Variants in DNAH11 observed in about 807,000 individuals in gnomAD.
The protein encoded by DNAH11 is dynein axonemal heavy chain 11, also known as axonemal beta dynein heavy chain 11.
Under a neutral mutation model 526.0 loss-of-function variants are expected in DNAH11, and 442 were observed. The observed-to-expected ratio is 0.84, with a 90% CI of 0.78 to 0.91. The LOEUF (loss-of-function observed/expected upper bound fraction) is 0.91, where lower values mean the gene tolerates loss of function less well. DNAH11 is among the 40% of genes least tolerant of loss of function. The pLI, the probability that DNAH11 is intolerant of heterozygous loss-of-function variation, is 0.00. For missense variants in DNAH11, 6,989 were observed against 5,448.7 expected (o/e 1.28, Z -8.90); for synonymous variants, 2,461 against 1,935.9 (o/e 1.27, Z -7.12).
intron 56 of DNAH11, among the ~76,000 whole-genome samples, chr7:21,778,574 T>G (rs1279784138): frequency 1.3e-5 from 2 of 152,154 alleles, no homozygotes; most frequent in African/African-American, 2.4e-5. Context: ...AGAGGCATAG[T>G]TCTTCCAGCT....
In DNAH11 at chr7:21,807,148, A is replaced by C. The variant is rs548240145; in HGVS notation, c.10166-735A>C. On this transcript the variant is annotated intron_variant, in intron 62 of 81. Transcript: ENST00000409508. ...GTTAAAAATAGGTAAGTAAATAAAAAGTTTGACTAGGGCAGTGTAGTGGGA... is the reference window on the plus strand; with the variant it reads ...GTTAAAAATAGGTAAGTAAATAAAACGTTTGACTAGGGCAGTGTAGTGGGA... 2.0e-5 allele frequency among the ~76,000 whole-genome samples: 3 copies of C among 152,292 alleles called. No individual in the cohort carries two copies. The South Asian group carries it at 6.2e-4, about 32-fold the overall frequency.
chr7:21,689,361 T>C (rs1024626175), intron 34 of DNAH11, among the ~76,000 whole-genome samples: 17 of 152,272 alleles, frequency 1.1e-4, no homozygotes, highest in Non-Finnish European at 1.0e-4. Flanking sequence ...TCTGAATGTC[T>C]GTAGGTCTGC....
chr7:21,881,379 CTTG>C (rs1263474401), intron 75 of DNAH11, among the ~76,000 whole-genome samples: 1 of 152,162 alleles, frequency 6.6e-6, no homozygotes, highest in Admixed American at 6.5e-5. Context: ...AGGATGCCAC[CTTG>C]TTGTGACTTT....
intron 40 of DNAH11, among the ~76,000 whole-genome samples, chr7:21,709,000 C>G (rs905407397): frequency 6.6e-6 from 1 of 152,142 alleles, no homozygotes; most frequent in African/African-American, 2.4e-5. Context: ...AGTTTAGTCA[C>G]TATGGAAATT....
chr7:21,633,089 A>G (rs1321927146), intron 25 of DNAH11, among the ~76,000 whole-genome samples: 4 of 152,160 alleles, frequency 2.6e-5, no homozygotes, highest in African/African-American at 9.7e-5. Flanking sequence ...AGATCTTGCG[A>G]GACTTATTCA....
At chr7:21,829,430 T>G (rs191522822) in intron 65 of DNAH11, among the ~76,000 whole-genome samples, 1 of 152,192 alleles carries the variant, frequency 6.6e-6, no homozygotes, top group Admixed American at 6.5e-5. Context: ...GAAATCTCTC[T>G]CCAAACAGCA....
At chr7:21,561,253 C>T in intron 5 of DNAH11, 83 bp downstream of exon 5, 2 of 985,182 alleles carry the variant, frequency 2.0e-6, no homozygotes, top group South Asian at 1.4e-5. Context: ...TTGATATTTA[C>T]CCTTCCGCCA....
In DNAH11 at chr7:21,744,461, G is replaced by A; in HGVS notation, c.8178G>A (p.Glu2726=). 5 of 1,613,732 alleles carry A rather than the reference G, an allele frequency of 3.1e-6. No homozygotes were observed. Among genetic ancestry groups the A allele is most frequent in the Non-Finnish European group, 4.2e-6 (5 of 1,179,780 alleles). The part of the protein sequence containing the change: ...VFQGILFASP[E]CLKGPLDLIH... ...AGGGGATTTTATTTGCTTCTCCTGA[G>A]TGTTTAAAAGGTCCACTTGATTTAA... Residue 2726 remains glutamate (E), a synonymous_variant, in exon 50 of 82, where the codon GAG becomes GAA. Coordinates refer to ENST00000409508, the MANE Select transcript of DNAH11 (RefSeq NM_001277115.2).
Position 21,782,919 on chromosome 7 carries a change from AAAAGAAAG to A in DNAH11, c.9484-1498_9484-1491del, listed in dbSNP as rs201885292. 2.2e-4 allele frequency among the ~76,000 whole-genome samples: 16 copies of A among 74,372 alleles called. No individual in the cohort carries two copies. The East Asian group carries it at 3.6e-3, about 17-fold the overall frequency. 48.8% of individuals were successfully genotyped at this position (74,372 alleles called of 152,430 possible). A position where few individuals can be genotyped will look rare whatever the true frequency, so the allele number is the denominator to read the frequency against. ...AACGAAACTGTCTCAAAAAAAAAAAAAAAGAAAGAAAGAAAGAGCACTTAAAAGAAATA... is the reference window on the plus strand; with the variant it reads ...AACGAAACTGTCTCAAAAAAAAAAAAAAAGAAAGAGCACTTAAAAGAAATA... On this transcript the variant is annotated intron_variant, in intron 57 of 81. Transcript: ENST00000409508.
At chr7:21,832,194 G>A (rs1047789504) in intron 65 of DNAH11, among the ~76,000 whole-genome samples, 1 of 152,068 alleles carries the variant, frequency 6.6e-6, no homozygotes, top group African/African-American at 2.4e-5. Flanking sequence ...GGTTAATATT[G>A]TTATGTATGA....
Position 21,702,739 on chromosome 7 carries a change from T to G in DNAH11, c.6210T>G (p.Ile2070Met), listed in dbSNP as rs773630976. Residue 2070 changes from isoleucine (I) to methionine (M), a missense_variant, in exon 37 of 82, where the codon ATT becomes ATG. Ile to Met is a conservative substitution (Grantham distance 10, BLOSUM62 1). Transcript: ENST00000409508. The stretch of plus-strand genomic sequence containing the variant: ...ATTACGACTGGGGACTTCGTGCTAT[T>G]AAGTCTGTCTTGGTTGTGGCTGGAT... ...QDHYDWGLRA[I>M]KSVLVVAGSL... is the part of the protein sequence containing the mutation. The G allele has an allele frequency of 3.1e-6, 5 of 1,613,760 alleles. No homozygotes were observed. The highest frequency in any genetic ancestry group is 2.2e-5 in the South Asian group (2 of 91,048).
chr7:21,769,477 TTC>T (rs1787329326), intron 55 of DNAH11, among the ~76,000 whole-genome samples: 1 of 142,384 alleles, frequency 7.0e-6, no homozygotes, highest in African/African-American at 2.7e-5. Flanking sequence ...TGCTTTTTTA[TTC>T]TTTGGTTTTT....
intron 66 of DNAH11, among the ~76,000 whole-genome samples, 167 bp from the exon 67 acceptor site, chr7:21,852,300 G>A (rs898385484): frequency 1.3e-5 from 2 of 151,654 alleles, no homozygotes; most frequent in Admixed American, 6.6e-5. Context: ...TCAGCTACTC[G>A]GGAGGCTGAG....
At chr7:21,667,731 G>A (rs1304887904) in intron 30 of DNAH11, among the ~76,000 whole-genome samples, 1 of 152,198 alleles carries the variant, frequency 6.6e-6, no homozygotes, top group African/African-American at 2.4e-5. Flanking sequence ...AAGGGATAGG[G>A]AAAAAACATA....
chr7:21,554,789 G>A (rs1366179685), intron 2 of DNAH11, among the ~76,000 whole-genome samples: 1 of 152,184 alleles, frequency 6.6e-6, no homozygotes, highest in African/African-American at 2.4e-5. Flanking sequence ...GTCTCTCCCT[G>A]TCTATGGGAG....
intron 61 of DNAH11, among the ~76,000 whole-genome samples, chr7:21,791,706 C>G (rs1012349902): frequency 1.3e-5 from 2 of 152,162 alleles, no homozygotes; most frequent in African/African-American, 4.8e-5. Context: ...CATTAAGATA[C>G]TATTTAGTGT....
At chr7:21,848,616 T>A (rs1443890680) in intron 66 of DNAH11, among the ~76,000 whole-genome samples, 4 of 152,028 alleles carry the variant, frequency 2.6e-5, no homozygotes, top group Non-Finnish European at 5.9e-5. Flanking sequence ...GGGTGCTCAC[T>A]CTCACTCGCT....
intron 28 of DNAH11, among the ~76,000 whole-genome samples, chr7:21,652,756 G>A (rs1283396827): frequency 6.6e-6 from 1 of 152,122 alleles, no homozygotes; most frequent in Non-Finnish European, 1.5e-5. Context: ...TAATCTTTTA[G>A]AAACCTACTC....
intron 20 of DNAH11, among the ~76,000 whole-genome samples, chr7:21,609,827 T>A (rs1005242534): frequency 6.6e-6 from 1 of 152,116 alleles, no homozygotes; most frequent in African/African-American, 2.4e-5. Context: ...AGATTGAGTT[T>A]CTCATGGGGA....
Sources: allele counts gnomAD v4.1 joint callset (sites outside exome capture counted in the v4.1 genomes callset), GRCh38; gene constraint gnomAD v4.1.1; transcripts MANE v1.5; gene names NCBI Gene and HGNC (gene_info 2026-07-23, HGNC 2026-07-21).